The following BCKDHB variants were observed in gnomAD, a reference collection of about 807,000 sequenced individuals.
BCKDHB encodes 2-oxoisovalerate dehydrogenase subunit beta, mitochondrial.
In BCKDHB, 41 loss-of-function variants were observed where a neutral mutation model predicts 48.5. That is an observed-to-expected ratio of 0.85 (90% CI 0.66 to 1.10). The LOEUF (loss-of-function observed/expected upper bound fraction) is 1.10. Among genes scored for constraint, BCKDHB ranks in the 50% least tolerant of loss-of-function variants. The pLI is 0.00. For missense variants in BCKDHB, 496 were observed against 494.2 expected, an observed-to-expected ratio of 1.00 and a Z score of -0.03; for synonymous variants, 201 against 174.8, an observed-to-expected ratio of 1.15 and a Z score of -1.18.
chr6:80,280,317 A>G (rs1423937887), intron 9 of BCKDHB, among the ~76,000 whole-genome samples: 2 of 152,220 alleles, frequency 1.3e-5, no homozygotes, highest in Non-Finnish European at 2.9e-5. Flanking sequence ...GCAAAAGAAT[A>G]TAAGTGAAGA....
the BCKDHB span, among the ~76,000 whole-genome samples, chr6:80,375,647 C>G: frequency 6.6e-6 from 1 of 151,844 alleles, no homozygotes; most frequent in African/African-American, 2.4e-5. Flanking sequence ...AATTCTCTTT[C>G]TGGCAATTCA....
At chr6:80,352,248 G>A in the BCKDHB span, among the ~76,000 whole-genome samples, 2 of 152,164 alleles carry the variant, frequency 1.3e-5, no homozygotes, top group South Asian at 2.1e-4. Flanking sequence ...AAAATGCTGG[G>A]ACTACAGGTG....
At chr6:80,392,862 CTTTTTT>C in the BCKDHB span, among the ~76,000 whole-genome samples, 1 of 102,078 alleles carries the variant, frequency 9.8e-6, no homozygotes, top group Non-Finnish European at 2.2e-5. Context: ...ACCTTTTTAA[CTTTTTT>C]TTTTTTTTTT....
the BCKDHB span, among the ~76,000 whole-genome samples, chr6:80,444,869 T>C: frequency 3.0e-4 from 45 of 152,208 alleles, no homozygotes; most frequent in Admixed American, 1.0e-3. Flanking sequence ...TGTTAGTGCA[T>C]ATTCTTATGT....
the BCKDHB span, among the ~76,000 whole-genome samples, chr6:80,389,607 G>T: frequency 2.6e-5 from 4 of 152,274 alleles, no homozygotes; most frequent in South Asian, 8.3e-4. Context: ...TTTGACCAAG[G>T]CACTCACTTT....
intron 3 of BCKDHB, among the ~76,000 whole-genome samples, chr6:80,166,825 A>G (rs987164722): frequency 6.6e-6 from 1 of 152,184 alleles, no homozygotes; most frequent in Non-Finnish European, 1.5e-5. Context: ...TTTTCTGTTT[A>G]ATTGAAAAGG....
At chr6:80,208,459 A>AG (rs1774771764) in intron 8 of BCKDHB, among the ~76,000 whole-genome samples, 1 of 151,830 alleles carries the variant, frequency 6.6e-6, no homozygotes, top group South Asian at 2.1e-4. Flanking sequence ...GAAGAAATGA[A>AG]GTAATTAAGA....
At chr6:80,129,613 AAGAGAG>A (rs372069217) in intron 3 of BCKDHB, among the ~76,000 whole-genome samples, 2 of 149,614 alleles carry the variant, frequency 1.3e-5, no homozygotes, top group Non-Finnish European at 3.0e-5. Context: ...TCTTTTCGGG[AAGAGAG>A]AGAGAGAGAG....
intron 6 of BCKDHB, among the ~76,000 whole-genome samples, chr6:80,180,455 GA>G (rs1183822556): frequency 6.6e-6 from 1 of 152,178 alleles, no homozygotes. Context: ...ATCTTGTGAA[GA>G]AGATATTCTT....
At chr6:80,136,240 C>T (rs955887641) in intron 3 of BCKDHB, among the ~76,000 whole-genome samples, 6 of 152,006 alleles carry the variant, frequency 3.9e-5, no homozygotes, top group South Asian at 2.1e-4. Context: ...GTTATCAAAA[C>T]GGTGTGACAG....
intron 8 of BCKDHB, among the ~76,000 whole-genome samples, chr6:80,231,799 T>A (rs1045474608): frequency 3.3e-5 from 5 of 152,190 alleles, no homozygotes; most frequent in Admixed American, 3.3e-4. Flanking sequence ...ACCCCGTCTC[T>A]ACTAAAGATA....
the BCKDHB span, among the ~76,000 whole-genome samples, chr6:80,392,551 C>G: frequency 6.6e-6 from 1 of 151,640 alleles, no homozygotes; most frequent in South Asian, 2.1e-4. Flanking sequence ...TTGTATGCTC[C>G]TTATTGTTCT....
the BCKDHB span, among the ~76,000 whole-genome samples, chr6:80,450,780 A>ACAGGCC: frequency 6.6e-6 from 1 of 152,176 alleles, no homozygotes; most frequent in African/African-American, 2.4e-5. Flanking sequence ...ATGAAAAACA[A>ACAGGCC]CAGGCCCAGT....
At chr6:80,274,697 A>G (rs951863785) in intron 9 of BCKDHB, among the ~76,000 whole-genome samples, 3 of 152,070 alleles carry the variant, frequency 2.0e-5, no homozygotes, top group Admixed American at 2.0e-4. Context: ...GGAATTAGAT[A>G]CTATAACTCC....
At chr6:80,398,909 G>C in the BCKDHB span, among the ~76,000 whole-genome samples, 3 of 152,110 alleles carry the variant, frequency 2.0e-5, no homozygotes, top group Admixed American at 6.6e-5. Flanking sequence ...GATCAAGTAG[G>C]CTTTATCCCT....
chr6:80,349,349 C>T (rs928586837), downstream of BCKDHB, among the ~76,000 whole-genome samples: 6 of 152,162 alleles, frequency 3.9e-5, no homozygotes, highest in Non-Finnish European at 1.5e-5. Context: ...CTGTTACGGG[C>T]CGGGCACCGG....
intron 1 of BCKDHB, among the ~76,000 whole-genome samples, chr6:80,119,571 C>A (rs1359598183): frequency 1.3e-5 from 2 of 152,128 alleles, no homozygotes; most frequent in African/African-American, 4.8e-5. Context: ...TCCGCACCCC[C>A]CTTGGCCTCA....
At chr6:80,129,037 C>T (rs140160563) in intron 2 of BCKDHB, 124 bp from the exon 3 acceptor site, 20 of 752,846 alleles carry the variant, frequency 2.7e-5, no homozygotes, top group East Asian at 2.6e-4. Flanking sequence ...AAACCTTGAT[C>T]GAGATCTATG....
Position 80,117,916 on chromosome 6 carries a change from T to A in BCKDHB, c.197-9631T>A, listed in dbSNP as rs1769793006. On this transcript the variant is annotated intron_variant, in intron 1 of 9. Transcript: ENST00000320393. Reference sequence around the variant, plus strand: ...TGTGTGTGTGTGTCTTTAATTCCTCTAACACCGCTGGGTTAGTGTCTCCCC... The same window carrying A: ...TGTGTGTGTGTGTCTTTAATTCCTCAAACACCGCTGGGTTAGTGTCTCCCC... 2.0e-5 allele frequency among the ~76,000 whole-genome samples: 3 copies of A among 152,192 alleles called. No individual in the cohort carries two copies. In the South Asian group the frequency reaches 6.2e-4, roughly 32 times the overall value.
Sources: gnomAD v4.1 joint callset for allele counts (sites outside exome capture counted in the v4.1 genomes callset) on GRCh38, gnomAD v4.1.1 for gene constraint, MANE v1.5 for transcripts, NCBI Gene and HGNC (gene_info 2026-07-23, HGNC 2026-07-21) for gene names.